Variants in PPP2R2B observed in about 807,000 individuals in gnomAD.
The protein encoded by PPP2R2B is serine/threonine-protein phosphatase 2A 55 kDa regulatory subunit B beta isoform.
PPP2R2B carries 5 observed loss-of-function variants against 46.0 expected under a neutral mutation model. The ratio of observed to expected loss-of-function variants is 0.11; its 90% CI spans 0.06 to 0.23. The LOEUF is 0.23. PPP2R2B is among the 10% of genes least tolerant of loss of function. The pLI is 1.00. For synonymous variants in PPP2R2B, 215 were observed against 206.7 expected (o/e 1.04, Z -0.34); for missense variants, 367 against 575.0 (o/e 0.64, Z 3.70).
chr5:146,992,445 A>G (rs1224142610), intron 1 of PPP2R2B, among the ~76,000 whole-genome samples: 1 of 152,186 alleles, frequency 6.6e-6, no homozygotes, highest in African/African-American at 2.4e-5. Context: ...ACCTCTTTGT[A>G]TGGAAGGAGT....
chr5:147,006,009 T>C (rs1289372284), intron 1 of PPP2R2B, among the ~76,000 whole-genome samples: 2 of 152,150 alleles, frequency 1.3e-5, no homozygotes, highest in African/African-American at 2.4e-5. Flanking sequence ...TGACAACCCA[T>C]AGCCTTCCTA....
intron 2 of PPP2R2B, among the ~76,000 whole-genome samples, chr5:146,875,062 G>T (rs967730361): frequency 1.3e-5 from 2 of 152,210 alleles, no homozygotes; most frequent in African/African-American, 4.8e-5. Flanking sequence ...GGAGAACCTG[G>T]CCTTCAGACA....
At chr5:147,063,022 A>G (rs1580873910) in intron 2 of PPP2R2B, among the ~76,000 whole-genome samples, 4 of 118,680 alleles carry the variant, frequency 3.4e-5, no homozygotes, top group Non-Finnish European at 5.5e-5. Context: ...AAGGGGGAAG[A>G]GAGGAAGGAG....
rs927095235 is a variant in PPP2R2B at position 146,870,400 on chromosome 5, C to T, written c.70+7602G>A. Among the ~76,000 whole-genome samples, 11 of 152,226 alleles carry T rather than the reference C, an allele frequency of 7.2e-5. No homozygotes were observed. The South Asian group carries it at 1.0e-3, about 14-fold the overall frequency. On this transcript the variant is annotated intron_variant, in intron 2 of 9. Coordinates refer to ENST00000394411, the MANE Select transcript of PPP2R2B (RefSeq NM_181675.4). The stretch of plus-strand genomic sequence containing the variant: ...GAAGAAAAAAAAATGCCAGAGATTG[C>T]GCTCTCTCTTTTCACACTTGCACAC...
chr5:147,046,821 G>C (rs904148229), intron 1 of PPP2R2B, among the ~76,000 whole-genome samples: 4 of 152,088 alleles, frequency 2.6e-5, no homozygotes, highest in Non-Finnish European at 5.9e-5. Context: ...GAGAATGCCT[G>C]GTGCTCAGTT....
Position 146,596,001 on chromosome 5 carries a change from G to A in PPP2R2B, c.961-2939C>T, listed in dbSNP as rs73317445. On this transcript the variant is annotated intron_variant, in intron 8 of 9. Coordinates refer to ENST00000394411, the MANE Select transcript of PPP2R2B (RefSeq NM_181675.4). ...CTATTGGTCCGTTCTTATATTTCAA[G>A]TGTTGACAAACTTTTTCTCCAAAGG... 8.2e-3 allele frequency among the ~76,000 whole-genome samples: 1,256 copies of A among 152,300 alleles called. 20 individuals are homozygous for A. Among genetic ancestry groups the A allele is most frequent in the African/African-American group, 0.029 (1,196 of 41,562 alleles).
At chr5:146,739,935 CTT>C (rs1752765369) in intron 2 of PPP2R2B, among the ~76,000 whole-genome samples, 2 of 152,184 alleles carry the variant, frequency 1.3e-5, no homozygotes, top group African/African-American at 4.8e-5. Flanking sequence ...AGGGAGTATC[CTT>C]AACCTAGATT....
intron 7 of PPP2R2B, among the ~76,000 whole-genome samples, chr5:146,625,353 G>A (rs1773978675): frequency 6.6e-6 from 1 of 152,174 alleles, no homozygotes; most frequent in Admixed American, 6.5e-5. Context: ...TGCTAGAAAT[G>A]AGCAAACAGT....
At chr5:146,844,923 C>A (rs999259089) in intron 2 of PPP2R2B, among the ~76,000 whole-genome samples, 6 of 152,212 alleles carry the variant, frequency 3.9e-5, no homozygotes, top group Non-Finnish European at 5.9e-5. Flanking sequence ...GAAGCCCCTT[C>A]CCCTAAAGCT....
chr5:146,993,174 C>G (rs1016047061), intron 1 of PPP2R2B, among the ~76,000 whole-genome samples: 1 of 151,912 alleles, frequency 6.6e-6, no homozygotes, highest in African/African-American at 2.4e-5. Context: ...AACTCGTAAT[C>G]TCAGGTGATC....
chr5:146,653,062 A>G (rs1776086369), intron 5 of PPP2R2B, among the ~76,000 whole-genome samples: 1 of 152,208 alleles, frequency 6.6e-6, no homozygotes. Flanking sequence ...TTCTTCATAC[A>G]TAATCTCAGG....
chr5:146,808,761 C>A (rs976697034), intron 2 of PPP2R2B, among the ~76,000 whole-genome samples: 5 of 152,162 alleles, frequency 3.3e-5, no homozygotes, highest in Non-Finnish European at 5.9e-5. Flanking sequence ...AATTGACTTG[C>A]CAAGGTATCT....
intron 2 of PPP2R2B, among the ~76,000 whole-genome samples, chr5:146,772,965 G>A (rs1754964190): frequency 6.6e-6 from 1 of 152,192 alleles, no homozygotes; most frequent in African/African-American, 2.4e-5. Flanking sequence ...CAAGACTTAA[G>A]CTTTTCAGAT....
At chr5:146,911,578 T>C (rs1763185256) in intron 1 of PPP2R2B, among the ~76,000 whole-genome samples, 1 of 152,186 alleles carries the variant, frequency 6.6e-6, no homozygotes, top group South Asian at 2.1e-4. Context: ...TAAAGAAGGA[T>C]ATAAAAATAA....
intron 2 of PPP2R2B, among the ~76,000 whole-genome samples, chr5:147,077,618 C>T (rs376937801): frequency 6.8e-4 from 104 of 152,250 alleles, no homozygotes; most frequent in African/African-American, 2.4e-3. Context: ...ATTCACTCAA[C>T]AAATACTCAA....
At chr5:146,990,179 G>T (rs1374735341) in intron 1 of PPP2R2B, among the ~76,000 whole-genome samples, 2 of 151,552 alleles carry the variant, frequency 1.3e-5, no homozygotes, top group Non-Finnish European at 2.9e-5. Flanking sequence ...CAAATTCAGT[G>T]CAATTTCTGT....
At chr5:147,070,458 A>C (rs1904579) in intron 2 of PPP2R2B, among the ~76,000 whole-genome samples, 101,851 of 152,102 alleles carry the variant, frequency 0.67, 34,477 homozygotes, top group Middle Eastern at 0.78. Context: ...ATTATTTATT[A>C]TTGGCTTTTA....
intron 2 of PPP2R2B, among the ~76,000 whole-genome samples, chr5:146,798,617 T>C (rs1271000814): frequency 1.3e-5 from 2 of 152,174 alleles, no homozygotes; most frequent in Non-Finnish European, 2.9e-5. Context: ...CCTAACATAA[T>C]CTAACAGTGC....
chr5:146,807,708 AG>A (rs990699631), intron 2 of PPP2R2B, among the ~76,000 whole-genome samples: 3 of 146,636 alleles, frequency 2.0e-5, no homozygotes, highest in African/African-American at 7.5e-5. Flanking sequence ...GACTCACACC[AG>A]AGTATGTGCT....
Sources: gnomAD v4.1 joint callset for allele counts (sites outside exome capture counted in the v4.1 genomes callset) on GRCh38, gnomAD v4.1.1 for gene constraint, MANE v1.5 for transcripts, NCBI Gene and HGNC (gene_info 2026-07-23, HGNC 2026-07-21) for gene names.